Variants in LRRTM4 observed in about 807,000 individuals in gnomAD.
LRRTM4 encodes the protein leucine-rich repeat transmembrane neuronal protein 4.
LRRTM4 carries 25 observed loss-of-function variants against 47.6 expected under a neutral mutation model. That is an observed-to-expected ratio of 0.53 (90% CI 0.38 to 0.73). The LOEUF (loss-of-function observed/expected upper bound fraction) is 0.73, where lower values mean the gene tolerates loss of function less well. Among genes scored for constraint, LRRTM4 ranks in the 30% least tolerant of loss-of-function variants. The pLI is 0.00. For missense variants in LRRTM4, 638 were observed against 713.4 expected (o/e 0.89, Z 1.20); for synonymous variants, 311 against 269.5 (o/e 1.15, Z -1.51).
At chr2:77,474,233 G>A (rs1041812256) in intron 3 of LRRTM4, among the ~76,000 whole-genome samples, 4 of 151,708 alleles carry the variant, frequency 2.6e-5, no homozygotes, top group African/African-American at 9.7e-5. Flanking sequence ...GAAGATGAGA[G>A]AGAGAAAGCA....
intron 3 of LRRTM4, among the ~76,000 whole-genome samples, chr2:77,248,114 A>T (rs1675497962): frequency 6.6e-6 from 1 of 151,004 alleles, no homozygotes; most frequent in Non-Finnish European, 1.5e-5. Flanking sequence ...GTATATATTA[A>T]TTTATATACA....
chr2:77,048,943 T>A (rs1453785472), intron 3 of LRRTM4, among the ~76,000 whole-genome samples: 1 of 151,394 alleles, frequency 6.6e-6, no homozygotes, highest in African/African-American at 2.4e-5. Flanking sequence ...ATCCACCCTT[T>A]AATAACCACC....
chr2:77,230,571 T>A (rs958643618), intron 3 of LRRTM4, among the ~76,000 whole-genome samples: 2 of 152,182 alleles, frequency 1.3e-5, no homozygotes, highest in African/African-American at 4.8e-5. Context: ...AATTATAATC[T>A]TTTTGACATT....
chr2:76,789,517 A>C (rs72919625), intron 3 of LRRTM4, among the ~76,000 whole-genome samples: 5,213 of 152,280 alleles, frequency 0.034, 271 homozygotes, highest in African/African-American at 0.11. Flanking sequence ...ATTCAAAAAC[A>C]TAATGAGGGT....
At chr2:77,082,650 T>C (rs1680569585) in intron 3 of LRRTM4, among the ~76,000 whole-genome samples, 1 of 151,514 alleles carries the variant, frequency 6.6e-6, no homozygotes, top group Non-Finnish European at 1.5e-5. Context: ...CATGAATATA[T>C]TTGAATTTAT....
At chr2:77,316,552 CT>C (rs11302099) in intron 3 of LRRTM4, among the ~76,000 whole-genome samples, 39,243 of 145,966 alleles carry the variant, frequency 0.27, 5,810 homozygotes, top group East Asian at 0.42. Flanking sequence ...AAATTGCTAT[CT>C]TTTTTTTTTT....
At chr2:76,945,155 C>T (rs1372045310) in intron 3 of LRRTM4, among the ~76,000 whole-genome samples, 1 of 151,906 alleles carries the variant, frequency 6.6e-6, no homozygotes, top group Non-Finnish European at 1.5e-5. Context: ...GGAATCTTAC[C>T]AAGTGTAATT....
intron 3 of LRRTM4, among the ~76,000 whole-genome samples, chr2:77,345,686 A>C (rs943133099): frequency 1.3e-5 from 2 of 151,958 alleles, no homozygotes; most frequent in Non-Finnish European, 1.5e-5. Flanking sequence ...TGCAACCCTC[A>C]TGCATTGCAG....
intron 3 of LRRTM4, among the ~76,000 whole-genome samples, chr2:77,182,512 T>C (rs1234766831): frequency 2.0e-5 from 3 of 152,036 alleles, no homozygotes; most frequent in Non-Finnish European, 4.4e-5. Context: ...GTAACAAACC[T>C]GCACATTCTG....
rs1015388210 is a variant in LRRTM4, at chr2:77,025,811, A to T, written c.1552-276895T>A. 5.3e-5 allele frequency among the ~76,000 whole-genome samples: 8 copies of T among 152,276 alleles called. No individual in the cohort carries two copies. The South Asian group carries it at 1.7e-3, about 32-fold the overall frequency. On this transcript the variant is annotated intron_variant, in intron 3 of 3. Coordinates refer to ENST00000409884, the MANE Select transcript of LRRTM4 (RefSeq NM_001134745.3). ...AGTTGTATAATTTTTTTATCCTTTT[A>T]TTCCTCATTTTAAATGCCATTTTAT...
chr2:77,413,948 C>G (rs138351209), intron 3 of LRRTM4, among the ~76,000 whole-genome samples: 13 of 152,112 alleles, frequency 8.5e-5, no homozygotes, highest in African/African-American at 3.1e-4. Flanking sequence ...TGTGGTCCTT[C>G]AAACATCAAT....
intron 3 of LRRTM4, among the ~76,000 whole-genome samples, chr2:76,819,475 T>G (rs1670994687): frequency 6.6e-6 from 1 of 151,802 alleles, no homozygotes; most frequent in Non-Finnish European, 1.5e-5. Context: ...AAACTGACCA[T>G]TTGGGTCTGG....
chr2:76,905,690 G>T (rs552561691), intron 3 of LRRTM4, among the ~76,000 whole-genome samples: 1 of 146,442 alleles, frequency 6.8e-6, no homozygotes, highest in Non-Finnish European at 1.5e-5. Context: ...CCAGAACTAC[G>T]TGAAGAATGC....
At chr2:76,906,490 A>G (rs1302001470) in intron 3 of LRRTM4, among the ~76,000 whole-genome samples, 1 of 152,282 alleles carries the variant, frequency 6.6e-6, no homozygotes, top group African/African-American at 2.4e-5. Context: ...AAATTCACAC[A>G]TAAGAATATT....
chr2:77,255,972 T>G (rs1410806784), intron 3 of LRRTM4, among the ~76,000 whole-genome samples: 2 of 152,012 alleles, frequency 1.3e-5, no homozygotes, highest in Non-Finnish European at 2.9e-5. Context: ...AAATTCAATG[T>G]AACAAAATTT....
At chr2:76,976,770 T>C (rs13016203) in intron 3 of LRRTM4, among the ~76,000 whole-genome samples, 37,843 of 151,658 alleles carry the variant, frequency 0.25, 6,081 homozygotes, top group African/African-American at 0.45. Context: ...TAGTGTTCTG[T>C]AGCACTGTAG....
At chr2:76,935,157 G>A (rs902162613) in intron 3 of LRRTM4, among the ~76,000 whole-genome samples, 2 of 152,124 alleles carry the variant, frequency 1.3e-5, no homozygotes, top group African/African-American at 2.4e-5. Flanking sequence ...ATTGTGTAGT[G>A]TAAGTAATGG....
intron 3 of LRRTM4, among the ~76,000 whole-genome samples, chr2:76,924,311 C>T (rs570108942): frequency 4.6e-5 from 7 of 152,044 alleles, no homozygotes; most frequent in Middle Eastern, 3.2e-3. Context: ...TTTTCCTCAA[C>T]TCTTCTCTTT....
At chr2:76,955,612 C>A (rs1041209144) in intron 3 of LRRTM4, among the ~76,000 whole-genome samples, 1 of 151,718 alleles carries the variant, frequency 6.6e-6, no homozygotes, top group Non-Finnish European at 1.5e-5. Flanking sequence ...GTTCTCAATT[C>A]CCAATACGAT....
Sources: allele counts gnomAD v4.1 joint callset (sites outside exome capture counted in the v4.1 genomes callset), GRCh38; gene constraint gnomAD v4.1.1; transcripts MANE v1.5; gene names NCBI Gene and HGNC (gene_info 2026-07-23, HGNC 2026-07-21).